The following PTPRU variants were observed in gnomAD, a reference collection of about 807,000 sequenced individuals.
PTPRU encodes the protein protein tyrosine phosphatase receptor type U.
Under a neutral mutation model 166.3 loss-of-function variants are expected in PTPRU, and 69 were observed. The ratio of observed to expected loss-of-function variants is 0.41; its 90% CI spans 0.34 to 0.51. The LOEUF (loss-of-function observed/expected upper bound fraction) is 0.51. Ranked by LOEUF, PTPRU falls within the 20% of genes least tolerant of loss-of-function variation. The pLI, the probability that PTPRU is intolerant of heterozygous loss-of-function variation, is 0.09. For missense variants in PTPRU, 1,657 were observed against 2,013.7 expected, an observed-to-expected ratio of 0.82 and a Z score of 3.39; for synonymous variants, 793 against 814.0, an observed-to-expected ratio of 0.97 and a Z score of 0.44.
intron 17 of PTPRU, 145 bp from the exon 18 acceptor site, chr1:29,305,207 C>T (rs1448592112): frequency 5.4e-6 from 4 of 742,684 alleles, no homozygotes; most frequent in East Asian, 5.3e-5. Context: ...CCCATGGTGC[C>T]CAGAGACTAC....
chr1:29,291,978 G>A lies in PTPRU; in HGVS notation c.2428G>A (p.Glu810Lys), dbSNP rs149813959. ...AGACCAGAGCACCCTGCAGGAGGAC[G>A]AGCGGCTGGGCCTGTCCTTCATGGA... ...FTDQSTLQED[E>K]RLGLSFMDTH... Residue 810 changes from glutamate to lysine, a missense_variant, in exon 15 of 30, where the codon GAG becomes AAG. By Grantham distance (56) the Glu-to-Lys change is moderately conservative. Around this residue, in one of 3 missense-constraint regions of PTPRU, gnomAD observed 1,190 missense variants for 1,477.4 expected, o/e 0.81. Transcript: ENST00000373779. The surrounding 1 kb of genome is among the most constrained non-coding windows in gnomAD (Gnocchi z 4.1). 1.4e-4 allele frequency: 222 copies of A among 1,614,184 alleles called. 1 individual carries two copies. Among genetic ancestry groups the A allele is most frequent in the Middle Eastern group, 1.6e-4 (1 of 6,062 alleles).
chr1:29,307,749 CTT>C lies in PTPRU; in HGVS notation c.2820+2348_2820+2349del, dbSNP rs201782011. 1.6e-3 allele frequency among the ~76,000 whole-genome samples: 186 copies of C among 117,066 alleles called. 1 individual carries two copies. Among genetic ancestry groups the C allele is most frequent in the South Asian group, 8.1e-3 (30 of 3,718 alleles). The allele number at this position is 117,066 out of a possible 152,430, so 76.8% of individuals were successfully genotyped here. ...GGATAGTCTGTTTTTAAATATTATGCTTTTTTTTTTTTTTTTTTTTTTTTTTT... is the reference window on the plus strand; with the variant it reads ...GGATAGTCTGTTTTTAAATATTATGCTTTTTTTTTTTTTTTTTTTTTTTTT... On this transcript the variant is annotated intron_variant, in intron 18 of 29. Coordinates refer to ENST00000373779, the MANE Select transcript of PTPRU (RefSeq NM_133178.4).
At position 29,312,702 on chromosome 1, in the gene PTPRU, T is replaced by G; in HGVS notation, c.3223T>G (p.Cys1075Gly). The G allele has an allele frequency of 6.2e-7, 1 of 1,602,174 alleles. No homozygotes were observed. Among genetic ancestry groups the G allele is most frequent in the Non-Finnish European group, 8.5e-7 (1 of 1,171,112 alleles). The change falls in exon 22 of 30, where the codon TGC (cysteine) becomes GGC (glycine). Residue 1075 changes from cysteine to glycine, a missense_variant. Cys to Gly is a radical substitution (Grantham distance 159). Transcript: ENST00000373779. ...PPDAGPIVIH[C>G]SAGTGRTGCY... ...TGATGCCGGGCCCATTGTCATCCACTGCAGGTGGGGGCACCGGGAATCCCA... is the reference window on the plus strand; with the variant it reads ...TGATGCCGGGCCCATTGTCATCCACGGCAGGTGGGGGCACCGGGAATCCCA...
At chr1:29,301,085 C>T (rs1305967193) in intron 15 of PTPRU, among the ~76,000 whole-genome samples, 1 of 152,172 alleles carries the variant, frequency 6.6e-6, no homozygotes, top group Non-Finnish European at 1.5e-5. Flanking sequence ...GCCCCACTGA[C>T]AGTCCCCCAC....
intron 29 of PTPRU, 128 bp from the exon 30 acceptor site, chr1:29,325,471 C>A: frequency 6.7e-7 from 1 of 1,503,230 alleles, no homozygotes; most frequent in Non-Finnish European, 9.2e-7. Context: ...ACCCCCATTT[C>A]TCCCTTCTCC....
At chr1:29,282,125 G>C (rs1471521654) in intron 11 of PTPRU, among the ~76,000 whole-genome samples, 1 of 152,214 alleles carries the variant, frequency 6.6e-6, no homozygotes, top group Non-Finnish European at 1.5e-5. Flanking sequence ...CTAAATCACT[G>C]TCTCTCACTA....
chr1:29,322,895 TC>T (rs1688223144), intron 26 of PTPRU, among the ~76,000 whole-genome samples: 1 of 151,058 alleles, frequency 6.6e-6, no homozygotes, highest in East Asian at 1.9e-4. Context: ...CATGGAGGGG[TC>T]CTGGGGCAGA....
intron 15 of PTPRU, among the ~76,000 whole-genome samples, chr1:29,294,851 C>T (rs541034441): frequency 5.9e-5 from 9 of 152,254 alleles, no homozygotes; most frequent in Non-Finnish European, 1.0e-4. Flanking sequence ...CCATCTTTCT[C>T]GCACACCCCA....
intron 8 of PTPRU, among the ~76,000 whole-genome samples, chr1:29,276,078 G>C (rs1180565235): frequency 2.6e-5 from 4 of 152,134 alleles, no homozygotes; most frequent in African/African-American, 9.7e-5. Context: ...TCTTGTATCA[G>C]TTTAGATGGA....
Position 29,259,853 on chromosome 1 carries a change from C to G in PTPRU, c.676-17C>G, listed in dbSNP as rs1019017798. On this transcript the variant is annotated splice_polypyrimidine_tract_variant and intron_variant, in intron 5 of 29. Coordinates refer to ENST00000373779, the MANE Select transcript of PTPRU (RefSeq NM_133178.4). Reference sequence around the variant, plus strand: ...CGCTCCGAGGCGCCCCTGACCCCCTCACTCTCTTCCCTGCAGCGGCAGAGC... The same window carrying G: ...CGCTCCGAGGCGCCCCTGACCCCCTGACTCTCTTCCCTGCAGCGGCAGAGC... 2.0e-6 allele frequency: 3 copies of G among 1,525,386 alleles called. No homozygotes were observed. The highest frequency in any genetic ancestry group is 1.2e-5 in the South Asian group (1 of 82,402). 94.5% of individuals were successfully genotyped at this position (1,525,386 alleles called of 1,614,324 possible).
intron 15 of PTPRU, among the ~76,000 whole-genome samples, chr1:29,293,474 TTTTG>T (rs1270871251): frequency 7.3e-6 from 1 of 136,806 alleles, no homozygotes; most frequent in Non-Finnish European, 1.5e-5. Context: ...GGGGGTAGTT[TTTTG>T]TTTTTTTTTT....
intron 7 of PTPRU, among the ~76,000 whole-genome samples, chr1:29,270,003 ATAC>A (rs1685492720): frequency 6.6e-6 from 1 of 152,170 alleles, no homozygotes; most frequent in African/African-American, 2.4e-5. Context: ...ATGATAAATA[ATAC>A]TATATTGAGA....
In PTPRU at chr1:29,312,578, C is replaced by T. The variant is rs1213067349; in HGVS notation, c.3099C>T (p.Val1033=). The T allele has an allele frequency of 1.9e-5, 31 of 1,599,374 alleles. No homozygotes were observed. Among genetic ancestry groups the T allele is most frequent in the Non-Finnish European group, 2.5e-5 (29 of 1,168,412 alleles). ...ERRGYSARHE[V]RQFHFTAWPE... is the part of the protein sequence containing the mutation. The stretch of plus-strand genomic sequence containing the variant: ...GAGGCTACTCTGCCCGGCACGAGGT[C>T]CGCCAGTTCCACTTCACAGCGTGGC... Residue 1033 remains valine (V), a synonymous_variant, in exon 22 of 30, where the codon GTC becomes GTT. Coordinates refer to ENST00000373779, the MANE Select transcript of PTPRU (RefSeq NM_133178.4).
At chr1:29,252,780 A>G (rs1201424513) in intron 1 of PTPRU, among the ~76,000 whole-genome samples, 3 of 152,152 alleles carry the variant, frequency 2.0e-5, no homozygotes, top group Non-Finnish European at 2.9e-5. Flanking sequence ...CCCTCCCACC[A>G]CCACAGCAGC....
intron 26 of PTPRU, among the ~76,000 whole-genome samples, chr1:29,321,726 G>A (rs1688169921): frequency 6.6e-6 from 1 of 152,214 alleles, no homozygotes; most frequent in Admixed American, 6.5e-5. Flanking sequence ...TTATTGTGAG[G>A]ACCAGGTCAG....
intron 14 of PTPRU, among the ~76,000 whole-genome samples, chr1:29,288,488 G>T (rs1418173701): frequency 6.6e-6 from 1 of 152,190 alleles, no homozygotes; most frequent in African/African-American, 2.4e-5. Context: ...GAGGCCAGAA[G>T]AATGCCATTT....
chr1:29,291,772 G>C lies in PTPRU; in HGVS notation c.2319-97G>C. On this transcript the variant is annotated intron_variant, in intron 14 of 29. Transcript: ENST00000373779. This position sits in a 1 kb window ranked among gnomAD's most constrained non-coding sequence, Gnocchi z 4.1. ...CTTCTAGGACAGCTGCTGGCTCCTG[G>C]CCTTGAGGTCCCCTTACTCCAGGGC... The C allele has an allele frequency of 7.6e-7, 1 of 1,315,400 alleles. No individual in the cohort carries two copies. Among genetic ancestry groups the C allele is most frequent in the Non-Finnish European group, 1.1e-6 (1 of 948,220 alleles). 81.5% of individuals were successfully genotyped at this position (1,315,400 alleles called of 1,614,324 possible).
intron 7 of PTPRU, among the ~76,000 whole-genome samples, chr1:29,266,944 G>A (rs1309296343): frequency 6.6e-6 from 1 of 152,124 alleles, no homozygotes; most frequent in African/African-American, 2.4e-5. Context: ...GTATTTGCGG[G>A]CTGGGCATGG....
chr1:29,278,657 A>G (rs898909527), intron 8 of PTPRU, among the ~76,000 whole-genome samples: 2 of 152,248 alleles, frequency 1.3e-5, no homozygotes, highest in African/African-American at 2.4e-5. Flanking sequence ...GCCCATGTGC[A>G]TATTTTCTGA....
Sources: gnomAD v4.1 joint callset for allele counts (sites outside exome capture counted in the v4.1 genomes callset) on GRCh38, gnomAD v4.1.1 for gene constraint, gnomAD v4.1.1 regional missense constraint, Gnocchi (gnomAD v3.1) non-coding constraint, MANE v1.5 for transcripts, NCBI Gene and HGNC (gene_info 2026-07-23, HGNC 2026-07-21) for gene names.